Variants in SPON1 observed in about 807,000 individuals in gnomAD.
The protein encoded by SPON1 is spondin 1.
SPON1 carries 52 observed loss-of-function variants against 111.7 expected under a neutral mutation model. The observed-to-expected ratio is 0.47, with a 90% confidence interval of 0.37 to 0.59. The LOEUF (loss-of-function observed/expected upper bound fraction) is 0.59, where lower values mean the gene tolerates loss of function less well. Among genes scored for constraint, SPON1 ranks in the 20% least tolerant of loss-of-function variants. SPON1 has a pLI of 0.00. For missense variants in SPON1, 957 were observed against 1,068.5 expected (o/e 0.90, Z 1.46); for synonymous variants, 410 against 395.8 (o/e 1.04, Z -0.43).
chr11:14,056,194 C>T lies in SPON1; in HGVS notation c.479+14540C>T, dbSNP rs557365151. On this transcript the variant is annotated intron_variant, in intron 3 of 15. Coordinates refer to ENST00000576479, the MANE Select transcript of SPON1 (RefSeq NM_006108.4). ...TAATATTAATAGTATGTACCTACCT[C>T]ATAGAGTTGCTGAGAAGACTAAATG... 3.3e-5 allele frequency among the ~76,000 whole-genome samples: 5 copies of T among 152,300 alleles called. No individual in the cohort carries two copies. The South Asian group carries it at 6.2e-4, about 19-fold the overall frequency.
chr11:14,123,750 C>G (rs1847423789), intron 5 of SPON1, among the ~76,000 whole-genome samples: 2 of 152,258 alleles, frequency 1.3e-5, no homozygotes, highest in African/African-American at 4.8e-5. Flanking sequence ...ATTCTTACCT[C>G]TACCTCCTCA....
intron 6 of SPON1, among the ~76,000 whole-genome samples, chr11:14,163,266 C>T (rs967143911): frequency 6.6e-6 from 1 of 152,136 alleles, no homozygotes; most frequent in Admixed American, 6.5e-5. Context: ...AATGGAGGCT[C>T]AAAGGAATGA....
intron 6 of SPON1, among the ~76,000 whole-genome samples, chr11:14,140,970 C>T (rs527594532): frequency 3.8e-4 from 58 of 151,526 alleles, no homozygotes; most frequent in Non-Finnish European, 7.7e-4. Context: ...TTTTCTCATG[C>T]CCTATTCACA....
rs1287512149 is a variant in SPON1 at position 14,266,419 on chromosome 11, T to A, written c.*732T>A. 1 of 152,254 alleles carries A rather than the reference T, an allele frequency of 6.6e-6. No individual in the cohort carries two copies. Among genetic ancestry groups the A allele is most frequent in the African/African-American group, 2.4e-5 (1 of 41,538 alleles). 9.4% of individuals were successfully genotyped at this position (152,254 alleles called of 1,614,324 possible). A position where few individuals can be genotyped will look rare whatever the true frequency, so the allele number is the denominator to read the frequency against. On this transcript the variant is annotated 3_prime_UTR_variant, in exon 16 of 16. Coordinates refer to ENST00000576479, the MANE Select transcript of SPON1 (RefSeq NM_006108.4). ...ATAAGCTTAGAGTGTATTTTTCCCT[T>A]GCTTTTGGGGGTTCAGAGGAGTATG...
chr11:13,987,358 G>A (rs868959597), intron 2 of SPON1, among the ~76,000 whole-genome samples: 3 of 152,136 alleles, frequency 2.0e-5, no homozygotes, highest in Non-Finnish European at 2.9e-5. Context: ...CTGCATAAAT[G>A]TCTTCTTTTG....
chr11:14,147,992 T>C (rs1847743102), intron 6 of SPON1, among the ~76,000 whole-genome samples: 1 of 152,210 alleles, frequency 6.6e-6, no homozygotes, highest in African/African-American at 2.4e-5. Flanking sequence ...TGTTAGACTT[T>C]TGACAACTAT....
intron 2 of SPON1, among the ~76,000 whole-genome samples, chr11:13,994,483 T>C (rs1554911553): frequency 6.6e-6 from 1 of 152,130 alleles, no homozygotes; most frequent in African/African-American, 2.4e-5. Context: ...AAATGGAATA[T>C]GGGCATTCCA....
chr11:14,203,442 C>T (rs547500344), intron 6 of SPON1, among the ~76,000 whole-genome samples: 34 of 152,272 alleles, frequency 2.2e-4, no homozygotes, highest in Non-Finnish European at 4.4e-4. Flanking sequence ...AAGACATCTT[C>T]ATATTTTAGC....
chr11:14,188,526 TC>T (rs1554934285), intron 6 of SPON1, among the ~76,000 whole-genome samples: 1 of 152,232 alleles, frequency 6.6e-6, no homozygotes, highest in Non-Finnish European at 1.5e-5. Flanking sequence ...ATGTATTTCT[TC>T]TGAAAATAAA....
At chr11:14,079,356 G>A (rs973138458) in intron 4 of SPON1, among the ~76,000 whole-genome samples, 58 of 152,158 alleles carry the variant, frequency 3.8e-4, no homozygotes, top group Admixed American at 1.0e-3. Context: ...AAGAAGTGAC[G>A]TGATTATATA....
intron 2 of SPON1, among the ~76,000 whole-genome samples, chr11:13,990,446 A>AT (rs1260985294): frequency 8.9e-5 from 8 of 89,908 alleles, no homozygotes; most frequent in Non-Finnish European, 1.2e-4. Flanking sequence ...CCATCCCTTT[A>AT]TTTTGAGCCT....
chr11:14,068,914 G>T (rs2697827), intron 3 of SPON1, among the ~76,000 whole-genome samples: 84,558 of 151,864 alleles, frequency 0.56, 24,246 homozygotes, highest in African/African-American at 0.68. Context: ...TGCACCATTT[G>T]GTACCCAGAC....
At chr11:14,233,774 T>C (rs1848831409) in intron 6 of SPON1, among the ~76,000 whole-genome samples, 1 of 146,828 alleles carries the variant, frequency 6.8e-6, no homozygotes, top group Non-Finnish European at 1.5e-5. Context: ...TTTTTTTTTT[T>C]TTTTTGAGAT....
intron 6 of SPON1, among the ~76,000 whole-genome samples, chr11:14,157,717 G>A (rs1170638079): frequency 6.6e-6 from 1 of 151,314 alleles, no homozygotes; most frequent in Non-Finnish European, 1.5e-5. Context: ...TGCTTTTTTT[G>A]TATATTATTT....
intron 3 of SPON1, among the ~76,000 whole-genome samples, chr11:14,051,688 G>T (rs1289146548): frequency 1.3e-5 from 2 of 152,130 alleles, no homozygotes; most frequent in African/African-American, 2.4e-5. Flanking sequence ...CAGCCCCCAG[G>T]ACTGTGAGAA....
chr11:14,042,000 A>G (rs570223814), intron 3 of SPON1, among the ~76,000 whole-genome samples: 7 of 152,186 alleles, frequency 4.6e-5, no homozygotes, highest in African/African-American at 1.7e-4. Context: ...CGGAACATAC[A>G]GCACCTAGAA....
intron 5 of SPON1, among the ~76,000 whole-genome samples, chr11:14,118,454 G>A (rs902083615): frequency 6.6e-6 from 1 of 152,174 alleles, no homozygotes; most frequent in Non-Finnish European, 1.5e-5. Context: ...GTACCAGTGG[G>A]AATGAGAGTT....
At chr11:13,979,015 C>T (rs966818160) in intron 1 of SPON1, among the ~76,000 whole-genome samples, 2 of 152,188 alleles carry the variant, frequency 1.3e-5, no homozygotes, top group African/African-American at 4.8e-5. Flanking sequence ...GTATTCATTT[C>T]CTAGGACTGC....
At chr11:14,122,845 T>G (rs899084697) in intron 5 of SPON1, among the ~76,000 whole-genome samples, 1 of 152,172 alleles carries the variant, frequency 6.6e-6, no homozygotes, top group Non-Finnish European at 1.5e-5. Flanking sequence ...TAGTTCCACA[T>G]GTCAGTCATC....
Sources: allele counts gnomAD v4.1 joint callset (sites outside exome capture counted in the v4.1 genomes callset), GRCh38; gene constraint gnomAD v4.1.1; transcripts MANE v1.5; gene names NCBI Gene and HGNC (gene_info 2026-07-23, HGNC 2026-07-21).